The following LRRC4C variants were observed in gnomAD, a reference collection of about 807,000 sequenced individuals.
LRRC4C encodes leucine-rich repeat-containing protein 4C.
In LRRC4C, 5 loss-of-function variants were observed where a neutral mutation model predicts 33.6. The ratio of observed to expected loss-of-function variants is 0.15; its 90% confidence interval spans 0.08 to 0.31. LRRC4C has a LOEUF of 0.31. Ranked by LOEUF, LRRC4C falls within the 10% of genes least tolerant of loss-of-function variation. The pLI is 1.00. For synonymous variants in LRRC4C, 329 were observed against 302.0 expected (o/e 1.09, Z -0.93); for missense variants, 560 against 796.7 (o/e 0.70, Z 3.58).
intron 5 of LRRC4C, among the ~76,000 whole-genome samples, chr11:40,214,114 G>A (rs1225605619): frequency 1.3e-5 from 2 of 152,114 alleles, no homozygotes; most frequent in Non-Finnish European, 2.9e-5. Context: ...CATCTTTGAT[G>A]CTTACCTGCC....
intron 1 of LRRC4C, chr11:41,222,786 A>ACTGGTATGGT (rs1261522359): frequency 3.3e-5 from 5 of 149,688 alleles, no homozygotes; most frequent in Admixed American, 2.0e-4. Context: ...GGTATGGAGA[A>ACTGGTATGGT]AGTGGCTCAC....
intron 1 of LRRC4C, among the ~76,000 whole-genome samples, chr11:41,041,547 T>C (rs560265515): frequency 6.6e-6 from 1 of 152,214 alleles, no homozygotes; most frequent in East Asian, 1.9e-4. Flanking sequence ...TAAAGATTAT[T>C]ACATACATTA....
chr11:40,777,966 G>A (rs954579163), intron 2 of LRRC4C, among the ~76,000 whole-genome samples: 13 of 152,106 alleles, frequency 8.5e-5, no homozygotes, highest in Admixed American at 2.0e-4. Context: ...GGGATTACAG[G>A]CATGAGCCAC....
intron 1 of LRRC4C, among the ~76,000 whole-genome samples, chr11:41,228,053 CT>C (rs1401801382): frequency 1.3e-5 from 2 of 152,054 alleles, no homozygotes; most frequent in Non-Finnish European, 2.9e-5. Flanking sequence ...TGCTTTTGCC[CT>C]GTAAAATACC....
At chr11:41,046,827 G>A (rs774825681) in intron 1 of LRRC4C, among the ~76,000 whole-genome samples, 2 of 152,060 alleles carry the variant, frequency 1.3e-5, no homozygotes, top group Non-Finnish European at 2.9e-5. Context: ...CTGAACTATA[G>A]AGAAAGCTAA....
intron 3 of LRRC4C, among the ~76,000 whole-genome samples, chr11:40,506,569 A>T (rs544560910): frequency 1.3e-5 from 2 of 152,154 alleles, no homozygotes; most frequent in Non-Finnish European, 2.9e-5. Context: ...CAAAGGAAAT[A>T]TATTTGCTCT....
chr11:41,269,484 G>C (rs1425761325), intron 1 of LRRC4C, among the ~76,000 whole-genome samples: 1 of 152,086 alleles, frequency 6.6e-6, no homozygotes, highest in African/African-American at 2.4e-5. Context: ...ACTGGAAAGA[G>C]AGCAAAGAGC....
In LRRC4C at chr11:40,490,861, A is replaced by G. The variant is rs532306316; in HGVS notation, c.-270+157281T>C. Among the ~76,000 whole-genome samples the G allele has an allele frequency of 5.9e-5, 9 of 152,310 alleles. No individual in the cohort carries two copies. The South Asian group carries it at 1.9e-3, about 32-fold the overall frequency. The stretch of plus-strand genomic sequence containing the variant: ...GGAGAGTTTTTATTTTTCTAGGAGA[A>G]AGCTCATAAAGAGTATCATTTTCTT... On this transcript the variant is annotated intron_variant, in intron 3 of 6. Transcript: ENST00000528697.
At chr11:41,372,303 T>C (rs1049091440) in intron 1 of LRRC4C, among the ~76,000 whole-genome samples, 2 of 152,222 alleles carry the variant, frequency 1.3e-5, no homozygotes, top group African/African-American at 4.8e-5. Flanking sequence ...ACAATATTTA[T>C]TTAGCTCCTT....
At chr11:40,301,945 C>T (rs1263997926) in intron 4 of LRRC4C, among the ~76,000 whole-genome samples, 1 of 152,064 alleles carries the variant, frequency 6.6e-6, no homozygotes, top group African/African-American at 2.4e-5. Context: ...ATGGAGACAC[C>T]TTTATCACCT....
intron 4 of LRRC4C, among the ~76,000 whole-genome samples, chr11:40,316,600 G>C (rs1204792847): frequency 1.3e-5 from 2 of 151,964 alleles, no homozygotes; most frequent in Admixed American, 1.3e-4. Context: ...AATCAAATGA[G>C]TGGTTGTATT....
intron 3 of LRRC4C, among the ~76,000 whole-genome samples, chr11:40,336,969 T>A (rs749043604): frequency 9.1e-4 from 96 of 105,342 alleles, no homozygotes; most frequent in Non-Finnish European, 1.4e-3. Flanking sequence ...AGAGCGAGAC[T>A]TCGTCTCAAA....
chr11:40,938,334 G>T (rs1957997430), intron 1 of LRRC4C, among the ~76,000 whole-genome samples: 1 of 147,074 alleles, frequency 6.8e-6, no homozygotes, highest in South Asian at 2.1e-4. Context: ...AGCGAAGGGT[G>T]AGGAAAGCCT....
intron 1 of LRRC4C, among the ~76,000 whole-genome samples, chr11:41,190,221 T>G (rs1945880899): frequency 6.6e-6 from 1 of 152,130 alleles, no homozygotes; most frequent in Admixed American, 6.5e-5. Context: ...TCCTTCCACC[T>G]GAGCCTGAAG....
At chr11:41,137,137 A>C (rs1173113018) in intron 1 of LRRC4C, among the ~76,000 whole-genome samples, 1 of 152,018 alleles carries the variant, frequency 6.6e-6, no homozygotes, top group African/African-American at 2.4e-5. Flanking sequence ...AGTCCCAGCT[A>C]CTTGGGACAC....
intron 3 of LRRC4C, among the ~76,000 whole-genome samples, chr11:40,411,860 CTG>C (rs142008268): frequency 6.6e-6 from 1 of 152,032 alleles, no homozygotes; most frequent in African/African-American, 2.4e-5. Flanking sequence ...TATGTGTTTA[CTG>C]TGTGATAAGC....
intron 1 of LRRC4C, among the ~76,000 whole-genome samples, chr11:41,191,598 G>T (rs538230278): frequency 6.6e-6 from 1 of 152,162 alleles, no homozygotes; most frequent in East Asian, 1.9e-4. Context: ...CTAAGCAGAA[G>T]GTAGCCCCAG....
chr11:40,240,996 C>T (rs1235421701), intron 5 of LRRC4C, among the ~76,000 whole-genome samples: 1 of 152,142 alleles, frequency 6.6e-6, no homozygotes, highest in African/African-American at 2.4e-5. Context: ...CTTTAGGCTT[C>T]ATCAAAATGT....
chr11:40,419,625 G>A (rs1333122337), intron 3 of LRRC4C, among the ~76,000 whole-genome samples: 1 of 152,188 alleles, frequency 6.6e-6, no homozygotes, highest in Non-Finnish European at 1.5e-5. Flanking sequence ...AAGATCACCA[G>A]AAGACCCGCT....
Sources: gnomAD v4.1 joint callset for allele counts (sites outside exome capture counted in the v4.1 genomes callset) on GRCh38, gnomAD v4.1.1 for gene constraint, MANE v1.5 for transcripts, NCBI Gene and HGNC (gene_info 2026-07-23, HGNC 2026-07-21) for gene names.